The following DOCK3 variants were observed in gnomAD, a reference collection of about 807,000 sequenced individuals.
DOCK3 encodes dedicator of cytokinesis 3, also known as dedicator of cytokinesis protein 3.
Under a neutral mutation model 265.6 loss-of-function variants are expected in DOCK3, and 60 were observed. That is an observed-to-expected ratio of 0.23 (90% CI 0.18 to 0.28). DOCK3 has a LOEUF of 0.28. DOCK3 is among the 10% of genes least tolerant of loss of function. The probability of loss-of-function intolerance (pLI) is 1.00; values close to 1 mark genes in which losing one functional copy is unlikely to be tolerated. For missense variants in DOCK3, 1,981 were observed against 2,594.3 expected, an observed-to-expected ratio of 0.76 and a Z score of 5.14; for synonymous variants, 881 against 938.0, an observed-to-expected ratio of 0.94 and a Z score of 1.11.
chr3:51,230,737 G>A (rs973992955), intron 19 of DOCK3, among the ~76,000 whole-genome samples: 3 of 152,052 alleles, frequency 2.0e-5, no homozygotes, highest in African/African-American at 4.8e-5. Flanking sequence ...GGATGGTCTC[G>A]ATCCCTTGAC....
intron 2 of DOCK3, among the ~76,000 whole-genome samples, chr3:50,812,907 G>A (rs1261730507): frequency 6.6e-6 from 1 of 152,212 alleles, no homozygotes; most frequent in Non-Finnish European, 1.5e-5. Flanking sequence ...GTTTTGAGGG[G>A]CAATAAATTG....
intron 7 of DOCK3, among the ~76,000 whole-genome samples, chr3:51,088,424 C>G (rs759136862): frequency 3.1e-4 from 47 of 151,990 alleles, no homozygotes; most frequent in Non-Finnish European, 6.2e-4. Flanking sequence ...TTGAAATGTT[C>G]CCAACAGAAA....
Position 51,102,593 on chromosome 3 carries a change from G to T in DOCK3, c.746+12209G>T, listed in dbSNP as rs144227267. On this transcript the variant is annotated intron_variant, in intron 9 of 52. Transcript: ENST00000266037. ...TGTCCATGGAGTAAGCTGTGTGGCT[G>T]TTGTTAGGGTAACTAGAAATCAGCT... 9.8e-5 allele frequency among the ~76,000 whole-genome samples: 15 copies of T among 152,312 alleles called. No individual in the cohort carries two copies. In the East Asian group the frequency reaches 2.9e-3, roughly 29 times the overall value.
chr3:50,834,367 C>A (rs1456208258), intron 2 of DOCK3, among the ~76,000 whole-genome samples: 3 of 152,092 alleles, frequency 2.0e-5, no homozygotes, highest in African/African-American at 7.2e-5. Flanking sequence ...TTAGTTACTT[C>A]TGTGGCATAC....
At chr3:51,241,077 C>T (rs1000098333) in intron 21 of DOCK3, among the ~76,000 whole-genome samples, 1 of 152,086 alleles carries the variant, frequency 6.6e-6, no homozygotes, top group Non-Finnish European at 1.5e-5. Flanking sequence ...CTTTTCTTTG[C>T]GTATTTTGTG....
intron 27 of DOCK3, among the ~76,000 whole-genome samples, chr3:51,288,911 T>G (rs2081574053): frequency 6.6e-6 from 1 of 151,364 alleles, no homozygotes; most frequent in Non-Finnish European, 1.5e-5. Flanking sequence ...TGGGTGTGTG[T>G]GTGTGTGTGT....
intron 1 of DOCK3, among the ~76,000 whole-genome samples, chr3:50,757,325 C>T (rs563784313): frequency 6.6e-6 from 1 of 152,024 alleles, no homozygotes; most frequent in East Asian, 1.9e-4. Context: ...GCGCGCATCA[C>T]CATGCCTGGC....
chr3:51,270,876 A>G lies in DOCK3; in HGVS notation c.2417A>G (p.Gln806Arg). 6.2e-7 allele frequency: 1 copy of G among 1,614,012 alleles called. No individual in the cohort carries two copies. The highest frequency in any genetic ancestry group is 2.2e-5 in the East Asian group (1 of 44,876). ...FDELLQMFTV[Q>R]EVAEFVRGTL... ...GAGCTTCTGCAAATGTTCACCGTGC[A>G]AGAGGTGGCAGAGTTTGTGAGAGGG... The change falls in exon 24 of 53, where the codon CAA (glutamine) becomes CGA (arginine). Residue 806 changes from glutamine (Q) to arginine (R), a missense_variant. Around this residue, in one of 4 missense-constraint regions of DOCK3, gnomAD observed 1,357 missense variants for 1,866.8 expected, o/e 0.73. Transcript: ENST00000266037.
intron 4 of DOCK3, among the ~76,000 whole-genome samples, chr3:50,905,547 G>A (rs984125311): frequency 6.6e-6 from 1 of 152,172 alleles, no homozygotes; most frequent in East Asian, 1.9e-4. Context: ...GTTCACTCAT[G>A]ATTTGGCTCT....
chr3:51,310,637 A>C (rs1269377610), intron 28 of DOCK3, among the ~76,000 whole-genome samples: 1 of 152,146 alleles, frequency 6.6e-6, no homozygotes, highest in Non-Finnish European at 1.5e-5. Context: ...CCTTCTTCTC[A>C]GTTTGAATTG....
rs1366324642 is a variant in DOCK3, at chr3:50,863,518, T to A, written c.162+21803T>A. 6.1e-6 allele frequency: 3 copies of A among 494,200 alleles called. No homozygotes were observed. The Admixed American group carries it at 6.4e-5, about 11-fold the overall frequency. 30.6% of individuals were successfully genotyped at this position (494,200 alleles called of 1,614,324 possible). A position where few individuals can be genotyped will look rare whatever the true frequency, so the allele number is the denominator to read the frequency against. On this transcript the variant is annotated intron_variant, in intron 3 of 52. Transcript: ENST00000266037. ...CCTACCCTTTCCATGAGACTCCAGT[T>A]TTCCAGGGGTCGATCTTTGCTAGAC...
intron 2 of DOCK3, among the ~76,000 whole-genome samples, chr3:50,839,544 G>T (rs765100318): frequency 6.6e-6 from 1 of 152,094 alleles, no homozygotes; most frequent in Non-Finnish European, 1.5e-5. Flanking sequence ...GATAAGGCAT[G>T]CAGTAGTATC....
At chr3:50,928,112 G>A (rs1056424183) in intron 4 of DOCK3, among the ~76,000 whole-genome samples, 12 of 132,328 alleles carry the variant, frequency 9.1e-5, no homozygotes, top group African/African-American at 3.2e-4. Context: ...ATATTTTTGT[G>A]TGATTTTATT....
At chr3:51,277,245 G>T (rs1035902416) in intron 25 of DOCK3, among the ~76,000 whole-genome samples, 1 of 152,250 alleles carries the variant, frequency 6.6e-6, no homozygotes, top group Admixed American at 6.5e-5. Flanking sequence ...CATTCCAAAA[G>T]TGTCAGCAGA....
intron 2 of DOCK3, among the ~76,000 whole-genome samples, chr3:50,831,399 C>A (rs1175661542): frequency 6.6e-6 from 1 of 151,980 alleles, no homozygotes; most frequent in Admixed American, 6.6e-5. Context: ...CTCTGACATG[C>A]CCTGGTGTGT....
At chr3:51,142,952 T>C (rs1484981277) in intron 9 of DOCK3, among the ~76,000 whole-genome samples, 1 of 152,052 alleles carries the variant, frequency 6.6e-6, no homozygotes, top group African/African-American at 2.4e-5. Flanking sequence ...AATGGTACAA[T>C]CTCGGCTCAC....
intron 12 of DOCK3, among the ~76,000 whole-genome samples, chr3:51,163,156 G>T (rs925919504): frequency 3.3e-5 from 5 of 152,220 alleles, no homozygotes; most frequent in African/African-American, 9.6e-5. Context: ...AATTGCTATT[G>T]ATAGTTCTTT....
intron 5 of DOCK3, among the ~76,000 whole-genome samples, chr3:50,964,523 G>C (rs905258923): frequency 3.3e-5 from 5 of 152,044 alleles, no homozygotes; most frequent in African/African-American, 9.7e-5. Flanking sequence ...GAAGAAAGGA[G>C]GAGAAAAGAT....
At chr3:50,861,745 C>A (rs1306996999) in intron 3 of DOCK3, among the ~76,000 whole-genome samples, 1 of 151,060 alleles carries the variant, frequency 6.6e-6, no homozygotes, top group Non-Finnish European at 1.5e-5. Context: ...ATAAGAGCAA[C>A]CCCTGCTCTC....
Sources: allele counts gnomAD v4.1 joint callset (sites outside exome capture counted in the v4.1 genomes callset), GRCh38; gene constraint gnomAD v4.1.1; regional missense constraint gnomAD v4.1.1; transcripts MANE v1.5; gene names NCBI Gene and HGNC (gene_info 2026-07-23, HGNC 2026-07-21).